CADM1: variants seen among roughly 807,000 people sequenced by gnomAD.
CADM1 encodes TSLC-1.
In CADM1, 15 loss-of-function variants were observed where a neutral mutation model predicts 53.1. The ratio of observed to expected loss-of-function variants is 0.28; its 90% confidence interval spans 0.19 to 0.44. CADM1 has a LOEUF of 0.44. Ranked by LOEUF, CADM1 falls within the 20% of genes least tolerant of loss-of-function variation. CADM1 has a pLI of 1.00. For missense variants in CADM1, 434 were observed against 611.3 expected, an observed-to-expected ratio of 0.71 and a Z score of 3.06; for synonymous variants, 281 against 243.0, an observed-to-expected ratio of 1.16 and a Z score of -1.45.
At chr11:115,416,884 C>A (rs1947612900) in intron 1 of CADM1, among the ~76,000 whole-genome samples, 1 of 152,100 alleles carries the variant, frequency 6.6e-6, no homozygotes, top group Non-Finnish European at 1.5e-5. Flanking sequence ...ATCGAATCAG[C>A]CACAGGGCAC....
At chr11:115,408,385 C>A (rs1240229976) in intron 1 of CADM1, among the ~76,000 whole-genome samples, 1 of 152,178 alleles carries the variant, frequency 6.6e-6, no homozygotes, top group Non-Finnish European at 1.5e-5. Flanking sequence ...CAGTTTAAAT[C>A]CCTGCACAGT....
At chr11:115,285,555 A>G (rs1943708755) in intron 1 of CADM1, among the ~76,000 whole-genome samples, 1 of 152,342 alleles carries the variant, frequency 6.6e-6, no homozygotes, top group South Asian at 2.1e-4. Context: ...GCAAGTTGGT[A>G]TAAGGAAAGA....
chr11:115,424,739 T>G (rs1026538183), intron 1 of CADM1, among the ~76,000 whole-genome samples: 3 of 152,030 alleles, frequency 2.0e-5, no homozygotes, highest in African/African-American at 7.2e-5. Flanking sequence ...TTGGCCAGGC[T>G]TGTTTTGAAC....
intron 8 of CADM1, among the ~76,000 whole-genome samples, chr11:115,203,861 GA>G (rs200058553): frequency 2.0e-5 from 3 of 150,492 alleles, no homozygotes; most frequent in East Asian, 1.9e-4. Context: ...CAATTATCAG[GA>G]AAAAAAAATG....
At chr11:115,269,063 T>C (rs1943224223) in intron 1 of CADM1, among the ~76,000 whole-genome samples, 1 of 152,108 alleles carries the variant, frequency 6.6e-6, no homozygotes, top group Non-Finnish European at 1.5e-5. Context: ...TCCTCGGCCA[T>C]AGCTTCTAGA....
chr11:115,299,694 A>C (rs1050559702), intron 1 of CADM1, among the ~76,000 whole-genome samples: 1 of 152,120 alleles, frequency 6.6e-6, no homozygotes, highest in Non-Finnish European at 1.5e-5. Flanking sequence ...GGACTCCATT[A>C]TACATTCTTA....
At chr11:115,375,725 T>C (rs762796070) in intron 1 of CADM1, among the ~76,000 whole-genome samples, 7 of 152,208 alleles carry the variant, frequency 4.6e-5, no homozygotes, top group South Asian at 2.1e-4. Context: ...AGAATCAAGA[T>C]ATATTGCACG....
At chr11:115,395,745 GGAA>G (rs142546635) in intron 1 of CADM1, among the ~76,000 whole-genome samples, 19 of 152,164 alleles carry the variant, frequency 1.2e-4, no homozygotes, top group African/African-American at 4.1e-4. Context: ...GTTCAAACAT[GGAA>G]GAAGAGGGCA....
At chr11:115,326,839 C>T (rs947986535) in intron 1 of CADM1, among the ~76,000 whole-genome samples, 6 of 152,162 alleles carry the variant, frequency 3.9e-5, no homozygotes, top group African/African-American at 1.2e-4. Flanking sequence ...ATTCGGTAAA[C>T]TCCCAAATTG....
chr11:115,350,493 T>C (rs1205958522), intron 1 of CADM1, among the ~76,000 whole-genome samples: 1 of 148,302 alleles, frequency 6.7e-6, no homozygotes, highest in Non-Finnish European at 1.5e-5. Flanking sequence ...TGAGAGCCTA[T>C]GACCATTCTT....
chr11:115,214,343 G>T (rs1565302274), intron 7 of CADM1: 9 of 502,096 alleles, frequency 1.8e-5, no homozygotes, highest in Middle Eastern at 5.5e-4. Context: ...AATCTCCATG[G>T]CTTGTGCCTG....
intron 1 of CADM1, among the ~76,000 whole-genome samples, chr11:115,304,882 G>T (rs572778391): frequency 6.6e-6 from 1 of 152,040 alleles, no homozygotes; most frequent in South Asian, 2.1e-4. Context: ...GTAATATGAG[G>T]TCACTGCCTT....
chr11:115,450,971 C>T (rs1157269927), intron 1 of CADM1, among the ~76,000 whole-genome samples: 1 of 152,194 alleles, frequency 6.6e-6, no homozygotes, highest in Non-Finnish European at 1.5e-5. Context: ...TCAATCAAGG[C>T]TAACATTTCA....
At chr11:115,427,428 G>A (rs1947918000) in intron 1 of CADM1, among the ~76,000 whole-genome samples, 1 of 152,188 alleles carries the variant, frequency 6.6e-6, no homozygotes, top group African/African-American at 2.4e-5. Flanking sequence ...GAATGATGAG[G>A]ACAGAATGAT....
At chr11:115,478,995 T>C (rs1400218025) in intron 1 of CADM1, among the ~76,000 whole-genome samples, 1 of 152,148 alleles carries the variant, frequency 6.6e-6, no homozygotes, top group Non-Finnish European at 1.5e-5. Context: ...TCTTTCTACG[T>C]ATATATTTGT....
intron 3 of CADM1, among the ~76,000 whole-genome samples, chr11:115,234,819 G>A (rs1220809208): frequency 2.1e-5 from 3 of 146,256 alleles, no homozygotes; most frequent in Non-Finnish European, 4.4e-5. Flanking sequence ...CTTGAACTCA[G>A]GAGGCGGAGG....
At position 115,385,952 on chromosome 11, in the gene CADM1, G is replaced by T. The variant is rs559755330; in HGVS notation, c.124+118319C>A. On this transcript the variant is annotated intron_variant, in intron 1 of 11. Coordinates refer to ENST00000331581, the MANE Select transcript of CADM1 (RefSeq NM_001301043.2). ...CTACTTTATTTCTTCCCTGCATTGG[G>T]ATTTCCTGTATAAGAACAGGATAAA... Among the ~76,000 whole-genome samples the T allele has an allele frequency of 3.9e-5, 6 of 152,306 alleles. No homozygotes were observed. In the South Asian group the frequency reaches 1.2e-3, roughly 32 times the overall value.
intron 1 of CADM1, among the ~76,000 whole-genome samples, chr11:115,351,481 A>C (rs1349956385): frequency 6.6e-6 from 1 of 152,186 alleles, no homozygotes; most frequent in African/African-American, 2.4e-5. Flanking sequence ...ATAAAAGAAT[A>C]ATTTTTGTAT....
chr11:115,291,074 T>C (rs564007566), intron 1 of CADM1, among the ~76,000 whole-genome samples: 15 of 152,260 alleles, frequency 9.9e-5, no homozygotes, highest in South Asian at 8.3e-4. Flanking sequence ...TATAGCAACA[T>C]AGGAAGCTCT....
Sources: gnomAD v4.1 joint callset for allele counts (sites outside exome capture counted in the v4.1 genomes callset) on GRCh38, gnomAD v4.1.1 for gene constraint, MANE v1.5 for transcripts, NCBI Gene and HGNC (gene_info 2026-07-23, HGNC 2026-07-21) for gene names.